Variants in PRKDC observed in about 807,000 individuals in gnomAD.
The protein encoded by PRKDC is protein kinase, DNA-activated, catalytic subunit.
PRKDC carries 82 observed loss-of-function variants against 486.9 expected under a neutral mutation model. The ratio of observed to expected loss-of-function variants is 0.17; its 90% CI spans 0.14 to 0.20. PRKDC has a LOEUF of 0.20. Ranked by LOEUF, PRKDC falls within the 10% of genes least tolerant of loss-of-function variation. The probability of loss-of-function intolerance (pLI) is 1.00; values close to 1 mark genes in which losing one functional copy is unlikely to be tolerated. For synonymous variants in PRKDC, 1,895 were observed against 1,837.0 expected (o/e 1.03, Z -0.81); for missense variants, 4,504 against 5,038.2 (o/e 0.89, Z 3.21).
chr8:47,775,211 A>G (rs2086585652), intron 85 of PRKDC, among the ~76,000 whole-genome samples: 1 of 150,496 alleles, frequency 6.6e-6, no homozygotes, highest in Non-Finnish European at 1.5e-5. Flanking sequence ...AAATAAATAA[A>G]TAAATTAATT....
At chr8:47,795,424 C>T (rs558257013) in intron 73 of PRKDC, among the ~76,000 whole-genome samples, 4 of 151,456 alleles carry the variant, frequency 2.6e-5, no homozygotes, top group South Asian at 2.1e-4. Context: ...CTCGTGACCT[C>T]GTGATCGGCC....
At chr8:47,899,589 G>C (rs186922077) in intron 28 of PRKDC, among the ~76,000 whole-genome samples, 34 of 152,306 alleles carry the variant, frequency 2.2e-4, no homozygotes, top group African/African-American at 8.2e-4. Context: ...GTTGCAGTGA[G>C]CTGAGATCGC....
Position 47,960,133 on chromosome 8 carries a change from G to T in PRKDC, c.-7C>A. On this transcript the variant is annotated 5_prime_UTR_variant, in exon 1 of 86. Transcript: ENST00000314191. Reference sequence around the variant, plus strand: ...CGGCTCCGGAGCCCGCCATGCCGCCGAGTCCCGCTCCCGCGCGTGCGCCCG... The same window carrying T: ...CGGCTCCGGAGCCCGCCATGCCGCCTAGTCCCGCTCCCGCGCGTGCGCCCG... 1 of 1,481,346 alleles carries T rather than the reference G, an allele frequency of 6.8e-7. No homozygotes were observed. Among genetic ancestry groups the T allele is most frequent in the Non-Finnish European group, 9.0e-7 (1 of 1,117,030 alleles). 91.8% of individuals were successfully genotyped at this position (1,481,346 alleles called of 1,614,324 possible).
At chr8:47,857,667 C>T (rs2088576471) in intron 48 of PRKDC, among the ~76,000 whole-genome samples, 1 of 152,118 alleles carries the variant, frequency 6.6e-6, no homozygotes, top group Non-Finnish European at 1.5e-5. Flanking sequence ...TCTCAGGCCA[C>T]GGCTGTCTGA....
intron 40 of PRKDC, among the ~76,000 whole-genome samples, chr8:47,866,779 T>C (rs2088828424): frequency 6.6e-6 from 1 of 152,114 alleles, no homozygotes; most frequent in Non-Finnish European, 1.5e-5. Context: ...AATACAGACA[T>C]ACCTGGCAAA....
At chr8:47,783,324 C>A (rs1325756838) in intron 78 of PRKDC, among the ~76,000 whole-genome samples, 1 of 149,164 alleles carries the variant, frequency 6.7e-6, no homozygotes, top group African/African-American at 2.5e-5. Context: ...CATAGTGGCT[C>A]ACACCTGTAA....
intron 7 of PRKDC, among the ~76,000 whole-genome samples, chr8:47,944,878 A>G (rs1038333826): frequency 6.6e-6 from 1 of 152,242 alleles, no homozygotes; most frequent in African/African-American, 2.4e-5. Context: ...GCCTTAAAGC[A>G]GAGAAACATC....
chr8:47,885,160 T>A (rs186518026), intron 36 of PRKDC, among the ~76,000 whole-genome samples: 2 of 152,344 alleles, frequency 1.3e-5, no homozygotes, highest in Admixed American at 6.5e-5. Context: ...AGCTATTTCT[T>A]ACTTTTTTAA....
chr8:47,853,644 C>T (rs1024308425), intron 51 of PRKDC, among the ~76,000 whole-genome samples: 1 of 152,142 alleles, frequency 6.6e-6, no homozygotes, highest in Non-Finnish European at 1.5e-5. Context: ...CAAAGCCTTC[C>T]GAGGGGCCTG....
intron 35 of PRKDC, among the ~76,000 whole-genome samples, chr8:47,886,625 C>G (rs1410313896): frequency 6.6e-6 from 1 of 152,132 alleles, no homozygotes; most frequent in East Asian, 1.9e-4. Flanking sequence ...CTCCTGACCT[C>G]AAGCAATTCA....
At chr8:47,803,627 T>C in intron 69 of PRKDC, 147 bp from the exon 70 acceptor site, 1 of 731,404 alleles carries the variant, frequency 1.4e-6, no homozygotes, top group Non-Finnish European at 2.3e-6. Flanking sequence ...GTCTCTAAAT[T>C]TATCACTGGG....
chr8:47,854,326 G>T, intron 50 of PRKDC, 112 bp from the exon 51 acceptor site: 1 of 1,267,132 alleles, frequency 7.9e-7, no homozygotes, highest in Non-Finnish European at 1.1e-6. Context: ...TCTCGCCCAG[G>T]CTGGAGTGCA....
chr8:47,911,764 A>AT lies in PRKDC; in HGVS notation c.2934+645dup, dbSNP rs557774629. The stretch of plus-strand genomic sequence containing the variant: ...CACTTGCCAGCCATAGCTATTTTTT[A>AT]TTTATTTATTTATTTTTTTTTTTGA... On this transcript the variant is annotated intron_variant, in intron 25 of 85. Transcript: ENST00000314191. Among the ~76,000 whole-genome samples, 289 of 151,208 alleles carry AT rather than the reference A, an allele frequency of 1.9e-3. 1 individual carries two copies. The highest frequency in any genetic ancestry group is 4.6e-3 in the Admixed American group (69 of 15,162).
chr8:47,927,429 G>C (rs569893446), intron 20 of PRKDC, 76 bp from the exon 21 acceptor site: 1 of 1,458,710 alleles, frequency 6.9e-7, no homozygotes, highest in Non-Finnish European at 9.3e-7. Flanking sequence ...CCAAGTAATT[G>C]TGATTTCTAA....
intron 4 of PRKDC, 116 bp from the exon 5 acceptor site, chr8:47,954,562 T>G (rs1490441841): frequency 2.4e-5 from 10 of 413,354 alleles, no homozygotes; most frequent in Non-Finnish European, 4.0e-5. Context: ...TCTCAGTGCA[T>G]CTGTCCACAG....
chr8:47,912,611 C>T, intron 24 of PRKDC, 49 bp from the exon 25 acceptor site: 1 of 1,475,594 alleles, frequency 6.8e-7, no homozygotes, highest in Non-Finnish European at 9.1e-7. Context: ...ACGTTGATGA[C>T]AAGAGAATAT....
intron 11 of PRKDC, 112 bp downstream of exon 11, chr8:47,939,438 AG>A: frequency 8.2e-7 from 1 of 1,214,340 alleles, no homozygotes; most frequent in Non-Finnish European, 1.2e-6. Context: ...ATGTTATTCA[AG>A]GGTCTACTGT....
Position 47,862,521 on chromosome 8 carries a change from G to A in PRKDC, c.5771C>T (p.Thr1924Ile), listed in dbSNP as rs1422853619. The change falls in exon 43 of 86, where the codon ACA (threonine) becomes ATA (isoleucine). Residue 1924 changes from threonine to isoleucine, a missense_variant. By Grantham distance (89) the Thr-to-Ile change is moderately conservative. This residue lies in a region of PRKDC where 80 missense variants were observed against 132.3 expected (regional missense o/e 0.60). Transcript: ENST00000314191. The part of the protein sequence containing the change: ...TLIKLCYDAF[T>I]ENMAGENQLL... ...CTGATTCTCTCCTGCCATGTTCTCT[G>A]TAAATGCATCGTAGCACAATCTGCA... 5 of 1,610,868 alleles carry A rather than the reference G, an allele frequency of 3.1e-6. No homozygotes were observed. Among genetic ancestry groups the A allele is most frequent in the South Asian group, 1.1e-5 (1 of 90,678 alleles).
intron 40 of PRKDC, among the ~76,000 whole-genome samples, chr8:47,870,848 T>C (rs2088935084): frequency 6.6e-6 from 1 of 151,798 alleles, no homozygotes; most frequent in South Asian, 2.1e-4. Context: ...AGAAAAGGAA[T>C]CCAGAATCTT....
Sources: gnomAD v4.1 joint callset for allele counts (sites outside exome capture counted in the v4.1 genomes callset) on GRCh38, gnomAD v4.1.1 for gene constraint, gnomAD v4.1.1 regional missense constraint, MANE v1.5 for transcripts, NCBI Gene and HGNC (gene_info 2026-07-23, HGNC 2026-07-21) for gene names.